GALM: variants seen among roughly 807,000 people sequenced by gnomAD.
The protein encoded by GALM is aldose 1-epimerase.
Under a neutral mutation model 37.4 loss-of-function variants are expected in GALM, and 43 were observed. That is an observed-to-expected ratio of 1.15 (90% CI 0.90 to 1.48). The LOEUF (loss-of-function observed/expected upper bound fraction) is 1.48. Ranked by LOEUF, GALM falls within the 40% of genes most tolerant of loss-of-function variation. GALM has a pLI of 0.00. For missense variants in GALM, 456 were observed against 419.1 expected, an observed-to-expected ratio of 1.09 and a Z score of -0.77; for synonymous variants, 199 against 170.6, an observed-to-expected ratio of 1.17 and a Z score of -1.30.
chr2:38,733,276 T>C (rs960249098), intron 6 of GALM, among the ~76,000 whole-genome samples: 3 of 151,756 alleles, frequency 2.0e-5, no homozygotes, highest in African/African-American at 7.3e-5. Flanking sequence ...AACACACTGC[T>C]TCCCTTCATC....
chr2:38,709,032 G>GT (rs1444956232), intron 4 of GALM, among the ~76,000 whole-genome samples: 1 of 152,164 alleles, frequency 6.6e-6, no homozygotes, highest in Non-Finnish European at 1.5e-5. Context: ...TGAAGTTGGG[G>GT]TTTTATCAGA....
chr2:38,713,536 T>C (rs1311041463), intron 4 of GALM, among the ~76,000 whole-genome samples: 2 of 152,274 alleles, frequency 1.3e-5, no homozygotes, highest in African/African-American at 2.4e-5. Flanking sequence ...CTTGAATCGC[T>C]GATTTACAGG....
chr2:38,709,857 G>A (rs1192705804), intron 4 of GALM, among the ~76,000 whole-genome samples: 2 of 152,202 alleles, frequency 1.3e-5, no homozygotes, highest in Non-Finnish European at 2.9e-5. Context: ...TTAATGAGGT[G>A]TCAGATGAGT....
chr2:38,711,959 C>G (rs1409493774), intron 4 of GALM, among the ~76,000 whole-genome samples: 2 of 151,826 alleles, frequency 1.3e-5, no homozygotes, highest in Non-Finnish European at 2.9e-5. Context: ...CTGTTGTTAT[C>G]CCAGTTTTAC....
chr2:38,703,945 G>A (rs1460995329), intron 4 of GALM, among the ~76,000 whole-genome samples: 1 of 151,906 alleles, frequency 6.6e-6, no homozygotes. Flanking sequence ...GAACCCAGGA[G>A]GCAGAGGTTG....
chr2:38,686,276 C>A (rs1665528858), intron 3 of GALM, among the ~76,000 whole-genome samples: 1 of 99,034 alleles, frequency 1.0e-5, no homozygotes, highest in South Asian at 3.3e-4. Flanking sequence ...TTCTTTCTTT[C>A]TTATTTTGAG....
At chr2:38,687,437 T>G (rs1233404350) in intron 3 of GALM, among the ~76,000 whole-genome samples, 1 of 152,084 alleles carries the variant, frequency 6.6e-6, no homozygotes, top group East Asian at 1.9e-4. Context: ...TGGACAGGCA[T>G]GGTGGCTCAA....
rs546819873 is a variant in GALM, at chr2:38,700,678, G to T, written c.634+10784G>T. Among the ~76,000 whole-genome samples, 4 of 152,126 alleles carry T rather than the reference G, an allele frequency of 2.6e-5. No homozygotes were observed. In the South Asian group the frequency reaches 6.2e-4, roughly 24 times the overall value. On this transcript the variant is annotated intron_variant, in intron 4 of 6. Coordinates refer to ENST00000272252, the MANE Select transcript of GALM (RefSeq NM_138801.3). ...TGGGCCATGTTTTTTAATCCATTCAGCCAGTCTATATATTTTAAGGGGGGA... is the reference window on the plus strand; with the variant it reads ...TGGGCCATGTTTTTTAATCCATTCATCCAGTCTATATATTTTAAGGGGGGA...
At chr2:38,670,681 C>T (rs6736380) in intron 1 of GALM, among the ~76,000 whole-genome samples, 24,078 of 152,132 alleles carry the variant, frequency 0.16, 2,043 homozygotes, top group South Asian at 0.24. Context: ...GAGGGAGCAA[C>T]TAATCATTTT....
intron 4 of GALM, among the ~76,000 whole-genome samples, chr2:38,719,221 C>T (rs1666327405): frequency 6.6e-6 from 1 of 151,774 alleles, no homozygotes; most frequent in Non-Finnish European, 1.5e-5. Flanking sequence ...CCTGTAATCT[C>T]AACACTTTGG....
At chr2:38,708,826 TTTTG>T (rs1052312427) in intron 4 of GALM, among the ~76,000 whole-genome samples, 70 of 152,096 alleles carry the variant, frequency 4.6e-4, no homozygotes, top group African/African-American at 1.6e-3. Context: ...TAACAGTTTT[TTTTG>T]TTTGTTTGTT....
intron 4 of GALM, among the ~76,000 whole-genome samples, chr2:38,722,849 G>C (rs749423696): frequency 8.5e-5 from 13 of 152,210 alleles, no homozygotes; most frequent in African/African-American, 3.1e-4. Flanking sequence ...ACACTCCAGA[G>C]GGAGGTGGAA....
rs191651638 is a variant in GALM at position 38,704,611 on chromosome 2, G to T, written c.634+14717G>T. Among the ~76,000 whole-genome samples, 848 of 151,720 alleles carry T rather than the reference G, an allele frequency of 5.6e-3. 6 individuals are homozygous for T. The highest frequency in any genetic ancestry group is 0.019 in the African/African-American group (803 of 41,324). On this transcript the variant is annotated intron_variant, in intron 4 of 6. Transcript: ENST00000272252. ...GATTGCTTGAACCCAGGGGTTCAAGGCAAATTGAGCTATGATTGGGCACTG... is the reference window on the plus strand; with the variant it reads ...GATTGCTTGAACCCAGGGGTTCAAGTCAAATTGAGCTATGATTGGGCACTG...
chr2:38,680,185 A>AT (rs35368702), intron 2 of GALM: 4 of 341,246 alleles, frequency 1.2e-5, no homozygotes, highest in African/African-American at 9.1e-5. Context: ...TACCTCGCTA[A>AT]TTTTTTTAAA....
chr2:38,723,988 C>T (rs1023598410), intron 4 of GALM, among the ~76,000 whole-genome samples: 5 of 152,152 alleles, frequency 3.3e-5, no homozygotes, highest in Admixed American at 2.6e-4. Flanking sequence ...GGCACAATCT[C>T]AGCTCACTGC....
intron 4 of GALM, among the ~76,000 whole-genome samples, chr2:38,701,550 T>A (rs1665917678): frequency 6.6e-6 from 1 of 152,210 alleles, no homozygotes; most frequent in Admixed American, 6.5e-5. Flanking sequence ...TCTCAGTTTT[T>A]AAAAGCTTAT....
chr2:38,684,940 C>T (rs1665486826), intron 3 of GALM, among the ~76,000 whole-genome samples: 1 of 152,142 alleles, frequency 6.6e-6, no homozygotes, highest in Admixed American at 6.6e-5. Context: ...TCATTAAGGA[C>T]CCAGGTTCTT....
intron 1 of GALM, among the ~76,000 whole-genome samples, chr2:38,674,557 T>G (rs1572510634): frequency 6.6e-6 from 1 of 152,290 alleles, no homozygotes; most frequent in South Asian, 2.1e-4. Flanking sequence ...AAGCAATTAT[T>G]TGTTGTTTAT....
intron 4 of GALM, among the ~76,000 whole-genome samples, chr2:38,728,527 C>T (rs2148459004): frequency 6.6e-6 from 1 of 152,002 alleles, no homozygotes; most frequent in South Asian, 2.1e-4. Context: ...AACCCCGTCT[C>T]TACTAAAAAT....
Sources: gnomAD v4.1 joint callset for allele counts (sites outside exome capture counted in the v4.1 genomes callset) on GRCh38, gnomAD v4.1.1 for gene constraint, MANE v1.5 for transcripts, NCBI Gene and HGNC (gene_info 2026-07-23, HGNC 2026-07-21) for gene names.